Variants in DTNB observed in about 807,000 individuals in gnomAD.
The protein encoded by DTNB is DTN-B.
A neutral mutation model predicts 90.7 loss-of-function variants in DTNB; 63 were observed. That is an observed-to-expected ratio of 0.69 (90% CI 0.57 to 0.86). The LOEUF is 0.86. Ranked by LOEUF, DTNB falls within the 40% of genes least tolerant of loss-of-function variation. The pLI is 0.00. For missense variants in DTNB, 744 were observed against 807.1 expected, an observed-to-expected ratio of 0.92 and a Z score of 0.95; for synonymous variants, 277 against 286.7, an observed-to-expected ratio of 0.97 and a Z score of 0.34.
intron 5 of DTNB, among the ~76,000 whole-genome samples, chr2:25,599,747 G>C (rs574159501): frequency 1.3e-5 from 2 of 152,218 alleles, no homozygotes; most frequent in South Asian, 4.2e-4. Flanking sequence ...CCAATGATAT[G>C]AATAAATGAT....
intron 1 of DTNB, among the ~76,000 whole-genome samples, chr2:25,668,334 T>G (rs2084995101): frequency 6.6e-6 from 1 of 152,214 alleles, no homozygotes; most frequent in Non-Finnish European, 1.5e-5. Flanking sequence ...GAAGCCAATC[T>G]GAGTAGGCTC....
intron 15 of DTNB, among the ~76,000 whole-genome samples, chr2:25,420,773 G>A (rs2049396627): frequency 6.6e-6 from 1 of 152,202 alleles, no homozygotes; most frequent in Non-Finnish European, 1.5e-5. Flanking sequence ...GTGAGCCACT[G>A]CACCTGGCCG....
intron 9 of DTNB, among the ~76,000 whole-genome samples, chr2:25,526,540 C>T (rs1446344137): frequency 6.6e-6 from 1 of 151,462 alleles, no homozygotes; most frequent in East Asian, 1.9e-4. Flanking sequence ...GGATTACAGG[C>T]ACTGGCCGCC....
At chr2:25,637,765 T>C (rs1349067328) in intron 3 of DTNB, among the ~76,000 whole-genome samples, 2 of 152,354 alleles carry the variant, frequency 1.3e-5, no homozygotes, top group African/African-American at 4.8e-5. Context: ...CTGGTGGGAC[T>C]GTAAACTAGT....
chr2:25,467,241 CGAATGAAGAA>C (rs1395777900), intron 10 of DTNB, among the ~76,000 whole-genome samples: 38 of 151,914 alleles, frequency 2.5e-4, no homozygotes, highest in African/African-American at 9.2e-4. Flanking sequence ...TACTATACTA[CGAATGAAGAA>C]GATGTAAAGG....
intron 16 of DTNB, among the ~76,000 whole-genome samples, chr2:25,389,707 GA>G (rs2040531199): frequency 6.6e-6 from 1 of 152,102 alleles, no homozygotes; most frequent in South Asian, 2.1e-4. Context: ...TTCTCAGCTA[GA>G]AACCCCATAT....
At position 25,632,811 on chromosome 2, in the gene DTNB, G is replaced by T. The variant is rs1317207279; in HGVS notation, c.149-4427C>A. Among the ~76,000 whole-genome samples, 7 of 152,218 alleles carry T rather than the reference G, an allele frequency of 4.6e-5. No homozygotes were observed. In the South Asian group the frequency reaches 1.4e-3, roughly 32 times the overall value. ...CTCTCTTATAAGCAACAGAAAACAG[G>T]CTAAGACAAATGTTATCTACAAAGG... On this transcript the variant is annotated intron_variant, in intron 3 of 20. Transcript: ENST00000406818.
At chr2:25,531,633 T>C (rs1216358959) in intron 8 of DTNB, 36 bp from the exon 9 acceptor site, 1 of 1,577,076 alleles carries the variant, frequency 6.3e-7, no homozygotes, top group Non-Finnish European at 8.6e-7. Flanking sequence ...GAATTAACCC[T>C]TCAAAAGAAT....
intron 8 of DTNB, among the ~76,000 whole-genome samples, chr2:25,567,372 T>C (rs1450174930): frequency 6.6e-6 from 1 of 152,230 alleles, no homozygotes; most frequent in East Asian, 1.9e-4. Flanking sequence ...ACAATCTCAA[T>C]TGATCCAGGT....
chr2:25,526,395 A>ATATTT lies in DTNB; in HGVS notation c.1001+5077_1001+5078insAAATA. ...TATATATATATATATATATATATAT[A>ATATTT]TTTTTTTTTTTTTAATTGAGACAGA... On this transcript the variant is annotated intron_variant, in intron 9 of 20. Transcript: ENST00000406818. 7.6e-4 allele frequency among the ~76,000 whole-genome samples: 38 copies of ATATTT among 49,824 alleles called. 1 individual carries two copies. The highest frequency in any genetic ancestry group is 2.0e-3 in the African/African-American group (20 of 10,252). The allele number at this position is 49,824 out of a possible 152,430, so 32.7% of individuals were successfully genotyped here. A position where few individuals can be genotyped will look rare whatever the true frequency, so the allele number is the denominator to read the frequency against.
chr2:25,499,192 A>C (rs1216486273), intron 9 of DTNB, among the ~76,000 whole-genome samples: 4 of 149,836 alleles, frequency 2.7e-5, no homozygotes, highest in Non-Finnish European at 4.4e-5. Flanking sequence ...AAAAAAAAAA[A>C]CCAAACAAAC....
intron 8 of DTNB, among the ~76,000 whole-genome samples, chr2:25,537,272 G>A (rs2080049519): frequency 6.6e-6 from 1 of 151,834 alleles, no homozygotes; most frequent in South Asian, 2.1e-4. Context: ...CCTTTATAAT[G>A]AAACACTGCA....
intron 3 of DTNB, among the ~76,000 whole-genome samples, chr2:25,631,067 G>A: frequency 6.6e-6 from 1 of 152,198 alleles, no homozygotes; most frequent in African/African-American, 2.4e-5. Flanking sequence ...AATGTGGAGT[G>A]ACTGTTAATG....
chr2:25,609,636 A>G (rs1416188372), intron 4 of DTNB, among the ~76,000 whole-genome samples: 7 of 148,998 alleles, frequency 4.7e-5, no homozygotes, highest in African/African-American at 1.5e-4. Context: ...TGCTATGCAT[A>G]AACATTTCCA....
chr2:25,407,419 G>A lies in DTNB; in HGVS notation c.1575+12096C>T, dbSNP rs182813843. Among the ~76,000 whole-genome samples, 245 of 152,176 alleles carry A rather than the reference G, an allele frequency of 1.6e-3. 1 individual carries two copies. Among genetic ancestry groups the A allele is most frequent in the African/African-American group, 5.6e-3 (233 of 41,526 alleles). On this transcript the variant is annotated intron_variant, in intron 16 of 20. Transcript: ENST00000406818. ...CATTTGATCCAGCAATCCCACTACC[G>A]GGTATCTACCCAAAGGAAAAGAAGT...
At chr2:25,575,963 A>T (rs2148126441) in intron 8 of DTNB, among the ~76,000 whole-genome samples, 1 of 152,338 alleles carries the variant, frequency 6.6e-6, no homozygotes, top group African/African-American at 2.4e-5. Context: ...GAAAAATCAG[A>T]TATTGACTTC....
intron 9 of DTNB, among the ~76,000 whole-genome samples, chr2:25,492,629 C>T (rs927591705): frequency 1.3e-5 from 2 of 152,058 alleles, no homozygotes; most frequent in Non-Finnish European, 2.9e-5. Context: ...TTTGGGAGGC[C>T]GAGGCAGGAG....
intron 15 of DTNB, among the ~76,000 whole-genome samples, chr2:25,420,545 C>T (rs1042287936): frequency 3.3e-5 from 5 of 151,454 alleles, no homozygotes; most frequent in African/African-American, 9.7e-5. Flanking sequence ...GACAGAGTTT[C>T]GCTCTTGTTG....
chr2:25,653,478 G>GCTTTCTTTCTTT (rs1201675268), intron 1 of DTNB, among the ~76,000 whole-genome samples: 12 of 116,612 alleles, frequency 1.0e-4, no homozygotes, highest in African/African-American at 3.2e-4. Context: ...TTCAGAGCTT[G>GCTTTCTTTCTTT]CTTTCTTTCT....
Sources: allele counts gnomAD v4.1 joint callset (sites outside exome capture counted in the v4.1 genomes callset), GRCh38; gene constraint gnomAD v4.1.1; transcripts MANE v1.5; gene names NCBI Gene and HGNC (gene_info 2026-07-23, HGNC 2026-07-21).